The following NEDD9 variants were observed in gnomAD, a reference collection of about 807,000 sequenced individuals.
NEDD9 encodes the protein neural precursor cell expressed, developmentally down-regulated 9, also known as enhancer of filamentation 1.
In NEDD9, 26 loss-of-function variants were observed where a neutral mutation model predicts 76.6. The observed-to-expected ratio is 0.34, with a 90% CI of 0.25 to 0.47. The LOEUF is 0.47. Ranked by LOEUF, NEDD9 falls within the 20% of genes least tolerant of loss-of-function variation. NEDD9 has a pLI of 1.00. For synonymous variants in NEDD9, 392 were observed against 414.2 expected, an observed-to-expected ratio of 0.95 and a Z score of 0.65; for missense variants, 937 against 1,058.5, an observed-to-expected ratio of 0.89 and a Z score of 1.59.
chr6:11,190,978 C>T lies in NEDD9; in HGVS notation c.891G>A (p.Leu297=). ...AEPVARRHQS[L]SPNHPPPQLG... The stretch of plus-strand genomic sequence containing the variant: ...GTTGCGGGGGTGGGTGATTCGGGGA[C>T]AGGCTCTGGTGCCTTCGAGCCACCG... Residue 297 remains leucine (L), a synonymous_variant, in exon 5 of 7, where the codon CTG becomes CTA. Coordinates refer to ENST00000379446, the MANE Select transcript of NEDD9 (RefSeq NM_006403.4). This position sits in a 1 kb window ranked among gnomAD's most constrained non-coding sequence, Gnocchi z 5.8. The T allele has an allele frequency of 6.2e-7, 1 of 1,613,982 alleles. No individual in the cohort carries two copies. The highest frequency in any genetic ancestry group is 8.5e-7 in the Non-Finnish European group (1 of 1,180,016).
At chr6:11,352,815 T>C (rs1762492666) in intron 1 of NEDD9, 2 of 152,252 alleles carry the variant, frequency 1.3e-5, no homozygotes, top group African/African-American at 2.4e-5. Context: ...GTAATAGCAA[T>C]CATGATCTCG....
At chr6:11,188,409 C>A in intron 5 of NEDD9, 102 bp from the exon 6 acceptor site, 3 of 1,034,214 alleles carry the variant, frequency 2.9e-6, no homozygotes, top group Admixed American at 1.8e-5. Context: ...TTTTCCACTG[C>A]CTTGGCAACA....
At chr6:11,264,225 A>AG (rs1428408609) in intron 3 of NEDD9, among the ~76,000 whole-genome samples, 1 of 152,170 alleles carries the variant, frequency 6.6e-6, no homozygotes, top group African/African-American at 2.4e-5. Context: ...CAGTGGCGAG[A>AG]GGGGGCCCAA....
chr6:11,189,426 G>A (rs922815811), intron 5 of NEDD9, among the ~76,000 whole-genome samples: 1 of 152,184 alleles, frequency 6.6e-6, no homozygotes, highest in African/African-American at 2.4e-5. Context: ...GTCTGAGATG[G>A]GGCTAAGTTT....
chr6:11,250,262 G>T (rs529334850), intron 3 of NEDD9, among the ~76,000 whole-genome samples: 3 of 152,310 alleles, frequency 2.0e-5, no homozygotes, highest in Admixed American at 2.0e-4. Flanking sequence ...GCTGGCCCTG[G>T]GTGAGAGTTA....
In NEDD9 at chr6:11,213,820, C is replaced by G. The variant is rs1758864095; in HGVS notation, c.13-93G>C. 1.8e-6 allele frequency: 2 copies of G among 1,111,294 alleles called. No individual in the cohort carries two copies. The highest frequency in any genetic ancestry group is 1.6e-5 in the African/African-American group (1 of 63,694). 68.8% of individuals were successfully genotyped at this position (1,111,294 alleles called of 1,614,324 possible). A position where few individuals can be genotyped will look rare whatever the true frequency, so the allele number is the denominator to read the frequency against. ...CGTGCTCTTATGGAAAGGCACACTT[C>G]CTGGAAAGAGAGAAGCATAAATCTG... On this transcript the variant is annotated intron_variant, in intron 1 of 6. Coordinates refer to ENST00000379446, the MANE Select transcript of NEDD9 (RefSeq NM_006403.4). This position sits in a 1 kb window ranked among gnomAD's most constrained non-coding sequence, Gnocchi z 5.4.
upstream of NEDD9, among the ~76,000 whole-genome samples, chr6:11,236,990 C>T (rs1759616158): frequency 1.3e-5 from 2 of 152,156 alleles, no homozygotes; most frequent in Non-Finnish European, 2.9e-5. The surrounding 1 kb of genome is among the most constrained non-coding windows in gnomAD (Gnocchi z 5.5). Context: ...GACGGACTTG[C>T]ACCTTCCTGA....
intron 1 of NEDD9, among the ~76,000 whole-genome samples, chr6:11,228,455 A>C (rs1007896908): frequency 2.0e-5 from 3 of 152,152 alleles, no homozygotes; most frequent in Admixed American, 1.3e-4. Flanking sequence ...ACTTGAACCC[A>C]GGAGGCAGAG....
intron 1 of NEDD9, among the ~76,000 whole-genome samples, chr6:11,348,476 C>T (rs1762404562): frequency 6.6e-6 from 1 of 152,118 alleles, no homozygotes; most frequent in South Asian, 2.1e-4. Flanking sequence ...ATTGCCAAAG[C>T]AATCCTAAGT....
chr6:11,278,189 C>T (rs528057703), intron 3 of NEDD9, among the ~76,000 whole-genome samples: 35 of 152,344 alleles, frequency 2.3e-4, no homozygotes, highest in Non-Finnish European at 3.7e-4. Context: ...CTGGGAACCA[C>T]AGTAGCCTTG....
At position 11,191,066 on chromosome 6, in the gene NEDD9, G is replaced by T. The variant is rs1016763667; in HGVS notation, c.803C>A (p.Thr268Asn). The change falls in exon 5 of 7, where the codon ACC becomes AAC. Residue 268 changes from threonine to asparagine, a missense_variant. Coordinates refer to ENST00000379446, the MANE Select transcript of NEDD9 (RefSeq NM_006403.4). ...EGVYDIPPTCTKPAGKDLHVK... is the reference protein window; with the variant it reads ...EGVYDIPPTCNKPAGKDLHVK... ...ATGAAGGTCCTTCCCTGCTGGCTTG[G>T]TGCAGGTTGGAGGAATGTCATAAAC... 6.2e-7 allele frequency: 1 copy of T among 1,613,890 alleles called. No individual in the cohort carries two copies. The highest frequency in any genetic ancestry group is 8.5e-7 in the Non-Finnish European group (1 of 1,180,018).
In NEDD9 at chr6:11,241,993, G is replaced by C. The variant is rs1314293251; in HGVS notation, c.13-28266C>G. Among the ~76,000 whole-genome samples the C allele has an allele frequency of 6.6e-6, 1 of 152,246 alleles. No individual in the cohort carries two copies. The stretch of plus-strand genomic sequence containing the variant: ...ACGGTTCAAGCCAAGCTTTTGAAGA[G>C]TTTGACTCGTTTTAGAAAGCAAACA... On this transcript the variant is annotated intron_variant, in intron 3 of 3. Coordinates refer to the NEDD9 transcript ENST00000397378. The surrounding 1 kb of genome is among the most constrained non-coding windows in gnomAD (Gnocchi z 4.0).
chr6:11,305,856 G>T, intron 3 of NEDD9: 2 of 1,082,358 alleles, frequency 1.8e-6, no homozygotes, highest in Admixed American at 1.8e-5. Flanking sequence ...AAACTTAACA[G>T]TATTTTCCCC....
At chr6:11,302,419 C>A (rs866963304) in intron 3 of NEDD9, among the ~76,000 whole-genome samples, 1 of 152,168 alleles carries the variant, frequency 6.6e-6, no homozygotes. Context: ...AGATTCACAG[C>A]TGAATTCTAC....
At chr6:11,296,830 G>A (rs1760907274) in intron 3 of NEDD9, among the ~76,000 whole-genome samples, 1 of 152,092 alleles carries the variant, frequency 6.6e-6, no homozygotes, top group Non-Finnish European at 1.5e-5. Flanking sequence ...CTGGGTTCAA[G>A]CAATTCTCCT....
chr6:11,244,966 A>G (rs137946189), intron 3 of NEDD9, among the ~76,000 whole-genome samples: 2 of 152,336 alleles, frequency 1.3e-5, no homozygotes, highest in East Asian at 1.9e-4. Flanking sequence ...TTTCTTTTAC[A>G]TGCAATGACA....
chr6:11,244,261 ACACACACACACACACGTGTGTGCACG>A (rs1430181508), intron 3 of NEDD9, among the ~76,000 whole-genome samples: 1 of 150,654 alleles, frequency 6.6e-6, no homozygotes, highest in African/African-American at 2.4e-5. Flanking sequence ...CTTTCTCTTT[ACACACACACACACACGTGTGTGCACG>A]CACACACACA....
chr6:11,342,308 T>A (rs1762289520), intron 1 of NEDD9, among the ~76,000 whole-genome samples: 1 of 151,958 alleles, frequency 6.6e-6, no homozygotes, highest in Non-Finnish European at 1.5e-5. Flanking sequence ...CTTCCCAAAA[T>A]TTTAAAAAAT....
In NEDD9 at chr6:11,213,788, T is replaced by G; in HGVS notation, c.13-61A>C. ...ATATTGGGTCGGTCCCTTTATCACC[T>G]AAGGCCCGTGCTCTTATGGAAAGGC... On this transcript the variant is annotated intron_variant, in intron 1 of 6. Transcript: ENST00000379446. The surrounding 1 kb of genome is among the most constrained non-coding windows in gnomAD (Gnocchi z 5.4). 6.8e-7 allele frequency: 1 copy of G among 1,473,996 alleles called. No individual in the cohort carries two copies. The highest frequency in any genetic ancestry group is 9.4e-7 in the Non-Finnish European group (1 of 1,068,960). 91.3% of individuals were successfully genotyped at this position (1,473,996 alleles called of 1,614,324 possible). A position where few individuals can be genotyped will look rare whatever the true frequency, so the allele number is the denominator to read the frequency against.
Sources: gnomAD v4.1 joint callset for allele counts (sites outside exome capture counted in the v4.1 genomes callset) on GRCh38, gnomAD v4.1.1 for gene constraint, Gnocchi (gnomAD v3.1) non-coding constraint, MANE v1.5 for transcripts, NCBI Gene and HGNC (gene_info 2026-07-23, HGNC 2026-07-21) for gene names.